Variants in EPN2 observed in about 807,000 individuals in gnomAD.
EPN2 encodes epsin 2.
EPN2 carries 34 observed loss-of-function variants against 61.7 expected under a neutral mutation model. That is an observed-to-expected ratio of 0.55 (90% confidence interval 0.42 to 0.73). The LOEUF is 0.73. Ranked by LOEUF, EPN2 falls within the 30% of genes least tolerant of loss-of-function variation. The pLI, the probability that EPN2 is intolerant of heterozygous loss-of-function variation, is 0.00. For missense variants in EPN2, 714 were observed against 839.2 expected (o/e 0.85, Z 1.84); for synonymous variants, 349 against 353.6 (o/e 0.99, Z 0.15).
chr17:19,310,100 A>G (rs1678840092), intron 5 of EPN2, 103 bp downstream of exon 5: 2 of 773,248 alleles, frequency 2.6e-6, no homozygotes, highest in South Asian at 2.9e-5. Flanking sequence ...TCTTCAAAAC[A>G]TTTCAGATAT....
intron 1 of EPN2, among the ~76,000 whole-genome samples, chr17:19,255,683 C>T (rs987701480): frequency 2.0e-5 from 3 of 150,370 alleles, no homozygotes; most frequent in African/African-American, 7.4e-5. Flanking sequence ...AGTGTGGTGG[C>T]TCACTCATAG....
chr17:19,295,197 C>T (rs1567858083), intron 4 of EPN2, among the ~76,000 whole-genome samples: 1 of 152,116 alleles, frequency 6.6e-6, no homozygotes, highest in East Asian at 1.9e-4. Context: ...GTGTCTTTAG[C>T]ACAACACCTG....
chr17:19,289,090 T>G (rs1197587206), intron 4 of EPN2, among the ~76,000 whole-genome samples: 7 of 139,732 alleles, frequency 5.0e-5, no homozygotes, highest in African/African-American at 8.1e-5. Flanking sequence ...TTTTTTTTTT[T>G]TTTTTTTTTT....
intron 10 of EPN2, among the ~76,000 whole-genome samples, chr17:19,333,086 G>A (rs1907237669): frequency 6.6e-6 from 1 of 152,208 alleles, no homozygotes; most frequent in African/African-American, 2.4e-5. Context: ...CTGCCCCCAG[G>A]GGAGGTGGTT....
intron 4 of EPN2, among the ~76,000 whole-genome samples, chr17:19,289,392 G>T (rs1018411256): frequency 6.6e-6 from 1 of 151,894 alleles, no homozygotes; most frequent in Admixed American, 6.6e-5. Context: ...ACGATTCTGG[G>T]TATGTTTTAA....
chr17:19,290,700 C>CAAA (rs757256478), intron 4 of EPN2, among the ~76,000 whole-genome samples: 14,016 of 40,994 alleles, frequency 0.34, 2,440 homozygotes, highest in East Asian at 0.69. Flanking sequence ...TTCCCGTTCT[C>CAAA]AAAAAAAAAA....
intron 4 of EPN2, among the ~76,000 whole-genome samples, chr17:19,287,810 G>T (rs1220513280): frequency 6.6e-6 from 1 of 152,180 alleles, no homozygotes; most frequent in Non-Finnish European, 1.5e-5. Context: ...TGTGTGACTG[G>T]CGATAATCAT....
intron 4 of EPN2, among the ~76,000 whole-genome samples, chr17:19,305,028 G>A (rs902820006): frequency 6.6e-6 from 1 of 152,132 alleles, no homozygotes; most frequent in Admixed American, 6.5e-5. Flanking sequence ...TGACGCTCAC[G>A]TACCAGTGCA....
chr17:19,260,079 A>G (rs1296884762), intron 1 of EPN2, among the ~76,000 whole-genome samples: 1 of 152,200 alleles, frequency 6.6e-6, no homozygotes, highest in African/African-American at 2.4e-5. Context: ...GCAGACAGGG[A>G]CTGTGTCAGG....
chr17:19,265,038 C>T (rs141595847), intron 1 of EPN2, among the ~76,000 whole-genome samples: 2 of 152,050 alleles, frequency 1.3e-5, no homozygotes, highest in Admixed American at 6.6e-5. Context: ...ATGATAGGTT[C>T]GGTTTTGTCC....
At chr17:19,309,471 CTT>C (rs1906014040) in intron 4 of EPN2, among the ~76,000 whole-genome samples, 1 of 152,170 alleles carries the variant, frequency 6.6e-6, no homozygotes, top group African/African-American at 2.4e-5. Context: ...GGAGTGGAGT[CTT>C]TGGTCTCCAG....
intron 1 of EPN2, among the ~76,000 whole-genome samples, chr17:19,260,793 G>A (rs2045133062): frequency 1.3e-5 from 2 of 152,006 alleles, no homozygotes; most frequent in African/African-American, 4.8e-5. Context: ...TACCCTTCTA[G>A]TTTTTCTTAA....
chr17:19,244,863 TG>T (rs2044927602), intron 1 of EPN2, among the ~76,000 whole-genome samples: 1 of 152,230 alleles, frequency 6.6e-6, no homozygotes, highest in African/African-American at 2.4e-5. Flanking sequence ...ACAGTTAGTA[TG>T]AACTCCTGCT....
At chr17:19,276,877 T>C (rs4924968) in intron 1 of EPN2, among the ~76,000 whole-genome samples, 5,085 of 149,748 alleles carry the variant, frequency 0.034, 348 homozygotes, top group South Asian at 0.2. Context: ...CTAACATCCA[T>C]ATCTGGTGTA....
intron 1 of EPN2, among the ~76,000 whole-genome samples, chr17:19,275,494 GC>G (rs2045297037): frequency 2.0e-5 from 3 of 152,332 alleles, no homozygotes; most frequent in African/African-American, 7.2e-5. Context: ...CTCTGACTCT[GC>G]CCCTGTGGTG....
intron 5 of EPN2, 26 bp downstream of exon 5, chr17:19,310,023 T>G (rs1043982925): frequency 6.7e-7 from 1 of 1,484,132 alleles, no homozygotes; most frequent in African/African-American, 1.4e-5. Context: ...AGGTCTGCAC[T>G]GCATTGACTG....
chr17:19,334,272 C>G lies in EPN2; in HGVS notation c.*18C>G, dbSNP rs2037944662. ...TTCTCTAGTGCCTGGGCCTGGGACC[C>G]ACCCAGAGCACCTGTGCTGGAGGAT... is the stretch of plus-strand genomic sequence containing the variant. On this transcript the variant is annotated 3_prime_UTR_variant, in exon 11 of 11. Transcript: ENST00000314728. This position sits in a 1 kb window ranked among gnomAD's most constrained non-coding sequence, Gnocchi z 4.9. The G allele has an allele frequency of 7.0e-7, 1 of 1,422,596 alleles. No homozygotes were observed. The highest frequency in any genetic ancestry group is 1.7e-5 in the South Asian group (1 of 60,454). The allele number at this position is 1,422,596 out of a possible 1,614,324, so 88.1% of individuals were successfully genotyped here. A position where few individuals can be genotyped will look rare whatever the true frequency, so the allele number is the denominator to read the frequency against.
intron 1 of EPN2, among the ~76,000 whole-genome samples, chr17:19,237,743 T>G (rs902210082): frequency 1.3e-5 from 2 of 151,992 alleles, no homozygotes; most frequent in African/African-American, 4.8e-5. Flanking sequence ...GACTGGAGCA[T>G]GGCCCCCTTC....
intron 4 of EPN2, among the ~76,000 whole-genome samples, chr17:19,295,663 G>GT (rs1386055973): frequency 6.6e-6 from 1 of 152,202 alleles, no homozygotes; most frequent in Non-Finnish European, 1.5e-5. Flanking sequence ...CATAGTTGTT[G>GT]TTTTTGTTTA....
Sources: gnomAD v4.1 joint callset for allele counts (sites outside exome capture counted in the v4.1 genomes callset) on GRCh38, gnomAD v4.1.1 for gene constraint, Gnocchi (gnomAD v3.1) non-coding constraint, MANE v1.5 for transcripts, NCBI Gene and HGNC (gene_info 2026-07-23, HGNC 2026-07-21) for gene names.